Variants in ABCC11 observed in about 807,000 individuals in gnomAD.
The protein encoded by ABCC11 is ATP binding cassette subfamily C member 11.
In ABCC11, 135 loss-of-function variants were observed where a neutral mutation model predicts 149.3. The ratio of observed to expected loss-of-function variants is 0.90; its 90% confidence interval spans 0.79 to 1.04. ABCC11 has a LOEUF of 1.04. ABCC11 is among the 50% of genes least tolerant of loss of function. The probability of loss-of-function intolerance (pLI) is 0.00; values close to 1 mark genes in which losing one functional copy is unlikely to be tolerated. For missense variants in ABCC11, 1,680 were observed against 1,722.1 expected, an observed-to-expected ratio of 0.98 and a Z score of 0.43; for synonymous variants, 665 against 671.4, an observed-to-expected ratio of 0.99 and a Z score of 0.15.
At chr16:48,193,427 C>T (rs1465624884) in intron 19 of ABCC11, among the ~76,000 whole-genome samples, 1 of 152,108 alleles carries the variant, frequency 6.6e-6, no homozygotes, top group Non-Finnish European at 1.5e-5. Context: ...GGCACAGGGT[C>T]CCCTTGGAAA....
At chr16:48,237,735 G>A (rs1970756718) in intron 1 of ABCC11, among the ~76,000 whole-genome samples, 1 of 152,030 alleles carries the variant, frequency 6.6e-6, no homozygotes, top group South Asian at 2.1e-4. Context: ...AAATCACTAG[G>A]TCCCAAGCTC....
At chr16:48,207,938 CCT>C (rs1374560355) in intron 12 of ABCC11, among the ~76,000 whole-genome samples, 1 of 152,058 alleles carries the variant, frequency 6.6e-6, no homozygotes, top group Non-Finnish European at 1.5e-5. Flanking sequence ...CTTCTTTCTC[CCT>C]GTTTCTCCCC....
Position 48,170,196 on chromosome 16 carries a change from A to T in ABCC11, c.3800T>A (p.Leu1267Gln). 1 of 1,614,026 alleles carries T rather than the reference A, an allele frequency of 6.2e-7. No homozygotes were observed. The highest frequency in any genetic ancestry group is 8.5e-7 in the Non-Finnish European group (1 of 1,179,918). Residue 1267 changes from leucine to glutamine, a missense_variant, in exon 28 of 30, where the codon CTG becomes CAG. Physicochemically the swap from Leu to Gln is moderately radical, Grantham distance 113. Coordinates refer to ENST00000356608, the MANE Select transcript of ABCC11 (RefSeq NM_001370497.1). ...ACCGTTTTCCACCACATCTGTATGC[A>T]GCTTTTTGGGGAACTTTGAGATCTG... ...TKAISKFPKK[L>Q]HTDVVENGGN...
At chr16:48,207,061 C>T (rs1196226616) in intron 12 of ABCC11, among the ~76,000 whole-genome samples, 1 of 151,980 alleles carries the variant, frequency 6.6e-6, no homozygotes, top group Non-Finnish European at 1.5e-5. Context: ...GTAACATAAC[C>T]GCATTCCAAG....
intron 22 of ABCC11, among the ~76,000 whole-genome samples, chr16:48,185,835 C>T (rs891419540): frequency 6.6e-6 from 1 of 152,186 alleles, no homozygotes; most frequent in African/African-American, 2.4e-5. Context: ...CACTCTGTGG[C>T]CCCTGTGCTC....
chr16:48,190,237 A>G (rs1489227224), intron 20 of ABCC11, among the ~76,000 whole-genome samples: 2 of 152,072 alleles, frequency 1.3e-5, no homozygotes, highest in Non-Finnish European at 2.9e-5. Flanking sequence ...CCCAAACCCT[A>G]CCTGCACTGT....
At chr16:48,242,075 C>T (rs1657628436) in intron 1 of ABCC11, among the ~76,000 whole-genome samples, 2 of 152,140 alleles carry the variant, frequency 1.3e-5, no homozygotes, top group African/African-American at 4.8e-5. Flanking sequence ...AGCTTCTGCA[C>T]AGCAAAATAA....
chr16:48,247,148 G>C (rs1476991986), intron 1 of ABCC11, among the ~76,000 whole-genome samples, 166 bp downstream of exon 1: 1 of 152,044 alleles, frequency 6.6e-6, no homozygotes, highest in East Asian at 1.9e-4. Flanking sequence ...TGGAAAGATT[G>C]TACCATATTC....
chr16:48,197,887 C>A, intron 17 of ABCC11, 84 bp downstream of exon 17: 1 of 1,434,242 alleles, frequency 7.0e-7, no homozygotes, highest in South Asian at 1.2e-5. Context: ...ATGGCCCAGT[C>A]TGGGGTCAAG....
At chr16:48,228,053 A>T in intron 3 of ABCC11, 89 bp from the exon 4 acceptor site, 1 of 1,243,100 alleles carries the variant, frequency 8.0e-7, no homozygotes. Flanking sequence ...CAACGAGGTT[A>T]CCCAGATCTA....
At chr16:48,195,627 G>A (rs185778934) in intron 18 of ABCC11, among the ~76,000 whole-genome samples, 79 of 152,330 alleles carry the variant, frequency 5.2e-4, no homozygotes, top group African/African-American at 1.8e-3. Context: ...TATACATGAT[G>A]ATATATACCA....
intron 1 of ABCC11, among the ~76,000 whole-genome samples, chr16:48,233,212 C>A (rs1235637164): frequency 6.6e-6 from 1 of 152,112 alleles, no homozygotes; most frequent in African/African-American, 2.4e-5. Context: ...AAAAACAAAA[C>A]AAAACAAACA....
At chr16:48,193,672 G>A (rs1967119675) in intron 19 of ABCC11, among the ~76,000 whole-genome samples, 1 of 151,978 alleles carries the variant, frequency 6.6e-6, no homozygotes, top group African/African-American at 2.4e-5. Flanking sequence ...GACTGCACAG[G>A]CGACCACCCA....
chr16:48,206,184 C>T (rs1297448510), intron 12 of ABCC11, among the ~76,000 whole-genome samples: 1 of 152,192 alleles, frequency 6.6e-6, no homozygotes, highest in Admixed American at 6.5e-5. Context: ...TCCAGGCTAT[C>T]TCTGAGCATG....
rs1313813595 is a variant in ABCC11 at position 48,205,228 on chromosome 16, G to A, written c.1805+185C>T. ...CGGGCAAATTATTTAACCTCTTGGGGCCTCAGCTGATTCATCTGGAAAATT... is the reference window on the plus strand; with the variant it reads ...CGGGCAAATTATTTAACCTCTTGGGACCTCAGCTGATTCATCTGGAAAATT... On this transcript the variant is annotated intron_variant, in intron 13 of 29. Transcript: ENST00000356608. Among the ~76,000 whole-genome samples, 4 of 152,198 alleles carry A rather than the reference G, an allele frequency of 2.6e-5. No individual in the cohort carries two copies. The East Asian group carries it at 7.7e-4, about 29-fold the overall frequency.
Position 48,175,339 on chromosome 16 carries a change from A to G in ABCC11, c.3617T>C (p.Ile1206Thr), listed in dbSNP as rs1288958613. The G allele has an allele frequency of 1.2e-6, 2 of 1,614,062 alleles. No homozygotes were observed. The highest frequency in any genetic ancestry group is 1.3e-5 in the African/African-American group (1 of 74,952). Residue 1206 changes from isoleucine (I) to threonine (T), a missense_variant, in exon 26 of 30, where the codon ATT becomes ACT. By Grantham distance (89) the Ile-to-Thr change is moderately conservative. Transcript: ENST00000356608. Reference protein sequence around the residue: ...AGRILIDGVDICSIGLEDLRS... With the variant: ...AGRILIDGVDTCSIGLEDLRS... Reference sequence around the variant, plus strand: ...CAAGTCCTCCAGGCCGATGCTGCAAATGTCCACGCCGTCAATGAGAATCCG... The same window carrying G: ...CAAGTCCTCCAGGCCGATGCTGCAAGTGTCCACGCCGTCAATGAGAATCCG...
rs1196840400 is a variant in ABCC11 at position 48,192,606 on chromosome 16, T to A, written c.2620A>T (p.Ile874Phe). ...CCTGAGGAGCAGACCCCCACACAGA[T>A]GAGGAGCAGGGCGTTGAGCCCGTAC... ...LVYGLNALLL[I>F]CVGVCSSGIF... Residue 874 changes from isoleucine (I) to phenylalanine (F), a missense_variant, in exon 20 of 30, where the codon ATC becomes TTC. By Grantham distance (21) the Ile-to-Phe change is conservative. Transcript: ENST00000356608. The A allele has an allele frequency of 6.2e-7, 1 of 1,613,982 alleles. No homozygotes were observed. The highest frequency in any genetic ancestry group is 8.5e-7 in the Non-Finnish European group (1 of 1,180,026).
At chr16:48,234,959 G>A (rs760009809) in intron 1 of ABCC11, among the ~76,000 whole-genome samples, 3 of 152,188 alleles carry the variant, frequency 2.0e-5, no homozygotes, top group Non-Finnish European at 2.9e-5. Context: ...ACAACTCCTA[G>A]ACAGAGCCTT....
At chr16:48,222,994 G>T (rs1075589) in intron 5 of ABCC11, among the ~76,000 whole-genome samples, 163 bp from the exon 6 acceptor site, 2,195 of 152,328 alleles carry the variant, frequency 0.014, 39 homozygotes, top group African/African-American at 0.049. Context: ...TTAAGGTCCA[G>T]TTGGAGGAGA....
Sources: gnomAD v4.1 joint callset for allele counts (sites outside exome capture counted in the v4.1 genomes callset) on GRCh38, gnomAD v4.1.1 for gene constraint, MANE v1.5 for transcripts, NCBI Gene and HGNC (gene_info 2026-07-23, HGNC 2026-07-21) for gene names.